The following CELF1 variants were observed in gnomAD, a reference collection of about 807,000 sequenced individuals.
CELF1 encodes the protein CUGBP Elav-like family member 1.
In CELF1, 10 loss-of-function variants were observed where a neutral mutation model predicts 61.8. The observed-to-expected ratio is 0.16, with a 90% CI of 0.10 to 0.27. The LOEUF is 0.27. Among genes scored for constraint, CELF1 ranks in the 10% least tolerant of loss-of-function variants. CELF1 has a pLI of 1.00. For missense variants in CELF1, 380 were observed against 639.1 expected (o/e 0.59, Z 4.37); for synonymous variants, 236 against 225.1 (o/e 1.05, Z -0.43).
chr11:47,554,102 A>G (rs2097194928), upstream of CELF1, among the ~76,000 whole-genome samples: 1 of 152,084 alleles, frequency 6.6e-6, no homozygotes, highest in African/African-American at 2.4e-5. Flanking sequence ...TTTTATACCC[A>G]CAAATACTGA....
Position 47,470,741 on chromosome 11 carries a change from G to C in CELF1, c.*1489C>G, listed in dbSNP as rs1012841546. The C allele has an allele frequency of 2.6e-5, 4 of 152,148 alleles. No individual in the cohort carries two copies. 9.4% of individuals were successfully genotyped at this position (152,148 alleles called of 1,614,324 possible). On this transcript the variant is annotated 3_prime_UTR_variant, in exon 15 of 15. Coordinates refer to ENST00000687097, the MANE Select transcript of CELF1 (RefSeq NM_001376376.1). ...CCCAGGGATCCCATCCCTGGCTGTG[G>C]CTACAGTCACATCTTAACAGGGCCA... is the stretch of plus-strand genomic sequence containing the variant.
At chr11:47,555,930 A>AC (rs538144706), upstream of CELF1, among the ~76,000 whole-genome samples, 687 of 148,554 alleles carry the variant, frequency 4.6e-3, 6 homozygotes, top group Non-Finnish European at 5.8e-3. Context: ...AACTTGGGAG[A>AC]CGGTGGTTGC....
intron 1 of CELF1, among the ~76,000 whole-genome samples, chr11:47,519,723 C>T (rs2095773892): frequency 6.6e-6 from 1 of 151,802 alleles, no homozygotes; most frequent in Non-Finnish European, 1.5e-5. Context: ...ATTAGCTGGG[C>T]GTGGTCGTGG....
In CELF1 at chr11:47,494,306, G is replaced by A. The variant is rs140610042; in HGVS notation, c.71+5147C>T. On this transcript the variant is annotated intron_variant, in intron 3 of 14. Transcript: ENST00000687097. The stretch of plus-strand genomic sequence containing the variant: ...CTCTCTTTTTATGTTTCTACTACTG[G>A]CAGCAGAAGCAGTAATAGTAATACC... 15 of 787,218 alleles carry A rather than the reference G, an allele frequency of 1.9e-5. No homozygotes were observed. The East Asian group carries it at 1.8e-3, about 93-fold the overall frequency. 48.8% of individuals were successfully genotyped at this position (787,218 alleles called of 1,614,324 possible).
chr11:47,478,394 A>G (rs1357122846), intron 10 of CELF1, among the ~76,000 whole-genome samples: 1 of 152,228 alleles, frequency 6.6e-6, no homozygotes, highest in African/African-American at 2.4e-5. Context: ...TTTTCTGTGT[A>G]CGATAATAGC....
At chr11:47,559,039 CATATAATAATATAATATGTTAT>C (rs1438923074) in intron 2 of CELF1, among the ~76,000 whole-genome samples, 1 of 140,578 alleles carries the variant, frequency 7.1e-6, no homozygotes, top group Non-Finnish European at 1.5e-5. Context: ...TAATATGTTA[CATATAATAATATAATATGTTAT>C]ATATAATAAT....
intron 1 of CELF1, among the ~76,000 whole-genome samples, chr11:47,527,957 G>T (rs1237115503): frequency 6.6e-6 from 1 of 152,080 alleles, no homozygotes; most frequent in Non-Finnish European, 1.5e-5. Context: ...TTAGCTGGGC[G>T]TGGTGGTGCA....
At chr11:47,488,761 G>GT (rs2089327195) in intron 4 of CELF1, 76 bp downstream of exon 4, 1 of 1,208,630 alleles carries the variant, frequency 8.3e-7, no homozygotes, top group African/African-American at 1.6e-5. Context: ...TTTGTATCCT[G>GT]TTAAAAACCC....
At chr11:47,483,660 T>C (rs2084824921) in intron 7 of CELF1, 128 bp from the exon 8 acceptor site, 1 of 684,102 alleles carries the variant, frequency 1.5e-6, no homozygotes, top group African/African-American at 1.8e-5. Flanking sequence ...GGGAATCATG[T>C]GCTGGTATGT....
intron 1 of CELF1, among the ~76,000 whole-genome samples, chr11:47,538,243 T>A (rs1457789963): frequency 3.9e-5 from 6 of 152,252 alleles, no homozygotes; most frequent in Non-Finnish European, 7.3e-5. Flanking sequence ...TTTGCAATCA[T>A]CATTTGATCT....
intron 1 of CELF1, among the ~76,000 whole-genome samples, chr11:47,506,133 A>C (rs886295383): frequency 6.6e-6 from 1 of 150,800 alleles, no homozygotes; most frequent in Non-Finnish European, 1.5e-5. Context: ...AGTTAAAAAA[A>C]AAAAATTTGC....
intron 1 of CELF1, among the ~76,000 whole-genome samples, chr11:47,543,890 G>A (rs560542848): frequency 2.0e-5 from 3 of 152,236 alleles, no homozygotes; most frequent in African/African-American, 7.2e-5. Context: ...CCTCCTCCCC[G>A]CCTCAACTTG....
intron 1 of CELF1, among the ~76,000 whole-genome samples, chr11:47,511,475 T>C (rs900318257): frequency 3.9e-5 from 6 of 152,062 alleles, no homozygotes; most frequent in Non-Finnish European, 5.9e-5. Flanking sequence ...TTAGAATCAA[T>C]GTATTTAACA....
intron 1 of CELF1, among the ~76,000 whole-genome samples, chr11:47,526,145 C>G (rs1006315947): frequency 2.0e-5 from 3 of 152,070 alleles, no homozygotes; most frequent in Non-Finnish European, 4.4e-5. Flanking sequence ...GCCTGACCAA[C>G]AGGGAGAAAC....
At chr11:47,553,883 G>T (rs1234154774), upstream of CELF1, among the ~76,000 whole-genome samples, 1 of 151,498 alleles carries the variant, frequency 6.6e-6, no homozygotes, top group Non-Finnish European at 1.5e-5. Context: ...GGAATCCCTG[G>T]GTCTAGATGG....
intron 1 of CELF1, among the ~76,000 whole-genome samples, chr11:47,549,007 A>T (rs975785608): frequency 6.6e-6 from 1 of 152,192 alleles, no homozygotes; most frequent in Non-Finnish European, 1.5e-5. Flanking sequence ...GCCAACAAGC[A>T]TATGAAAAGA....
At chr11:47,521,261 A>G (rs1206609600) in intron 1 of CELF1, among the ~76,000 whole-genome samples, 1 of 151,564 alleles carries the variant, frequency 6.6e-6, no homozygotes, top group East Asian at 1.9e-4. Context: ...CCAAAAATAA[A>G]AAATAAAATA....
chr11:47,511,918 G>C (rs1157277838), intron 1 of CELF1, among the ~76,000 whole-genome samples: 2 of 151,750 alleles, frequency 1.3e-5, no homozygotes, highest in African/African-American at 2.4e-5. Flanking sequence ...GCATGATCTC[G>C]ACTCACTGCA....
At chr11:47,558,737 ATTG>A (rs2097216205) in intron 2 of CELF1, among the ~76,000 whole-genome samples, 1 of 115,672 alleles carries the variant, frequency 8.6e-6, no homozygotes, top group African/African-American at 3.4e-5. Context: ...ATTATATATA[ATTG>A]TATATATAAT....
Sources: gnomAD v4.1 joint callset for allele counts (sites outside exome capture counted in the v4.1 genomes callset) on GRCh38, gnomAD v4.1.1 for gene constraint, MANE v1.5 for transcripts, NCBI Gene and HGNC (gene_info 2026-07-23, HGNC 2026-07-21) for gene names.